GRIA1: variants seen among roughly 807,000 people sequenced by gnomAD.
GRIA1 encodes the protein glutamate ionotropic receptor AMPA type subunit 1, also known as glutamate receptor 1.
A neutral mutation model predicts 99.2 loss-of-function variants in GRIA1; 31 were observed. That is an observed-to-expected ratio of 0.31 (90% CI 0.23 to 0.42). The LOEUF is 0.42. GRIA1 is among the 10% of genes least tolerant of loss of function. The pLI, the probability that GRIA1 is intolerant of heterozygous loss-of-function variation, is 1.00. For synonymous variants in GRIA1, 438 were observed against 432.4 expected (o/e 1.01, Z -0.16); for missense variants, 782 against 1,157.5 (o/e 0.68, Z 4.71).
At position 153,646,974 on chromosome 5, in the gene GRIA1, T is replaced by C. The variant is rs138512995; in HGVS notation, c.267T>C (p.Tyr89=). ...GAGTCTATGCCATCTTTGGGTTTTA[T>C]GAACGTAGGACTGTCAACATGCTGA... is the stretch of plus-strand genomic sequence containing the variant. ...SKGVYAIFGF[Y]ERRTVNMLTS... The change falls in exon 3 of 16, where the codon TAT becomes TAC. Residue 89 remains tyrosine (Y), a synonymous_variant. Transcript: ENST00000285900. 1 of 1,613,854 alleles carries C rather than the reference T, an allele frequency of 6.2e-7. No homozygotes were observed. Among genetic ancestry groups the C allele is most frequent in the Non-Finnish European group, 8.5e-7 (1 of 1,179,876 alleles).
intron 2 of GRIA1, among the ~76,000 whole-genome samples, chr5:153,620,234 A>C (rs922987291): frequency 6.6e-6 from 1 of 152,200 alleles, no homozygotes; most frequent in African/African-American, 2.4e-5. Flanking sequence ...TGGAAAACAT[A>C]GAAGGAACTA....
intron 8 of GRIA1, among the ~76,000 whole-genome samples, chr5:153,694,068 T>C (rs143007865): frequency 4.6e-5 from 7 of 152,362 alleles, no homozygotes; most frequent in Non-Finnish European, 7.3e-5. Flanking sequence ...TTGTTTACAA[T>C]TTCTAACTAT....
chr5:153,688,855 G>A (rs923322852), intron 8 of GRIA1, among the ~76,000 whole-genome samples: 4 of 151,960 alleles, frequency 2.6e-5, no homozygotes, highest in Non-Finnish European at 5.9e-5. Flanking sequence ...GAGTGGTTGG[G>A]ATTATAGGTG....
chr5:153,646,783 G>C, intron 2 of GRIA1, 145 bp from the exon 3 acceptor site: 2 of 818,168 alleles, frequency 2.4e-6, no homozygotes, highest in Non-Finnish European at 3.9e-6. Flanking sequence ...TGGATGGATT[G>C]GTTTGTTGGA....
chr5:153,506,321 GTGTGTGT>G (rs1755495893), intron 2 of GRIA1, among the ~76,000 whole-genome samples: 1 of 48,548 alleles, frequency 2.1e-5, no homozygotes, highest in South Asian at 4.1e-4. Flanking sequence ...AGAAGGGTGT[GTGTGTGT>G]GTGTGTGTGT....
In GRIA1 at chr5:153,792,109, G is replaced by C. The variant is rs550940712; in HGVS notation, c.2271-2512G>C. ...ACAGCACTGTAGCATAAGAGATAAA[G>C]TCAAGTCCAGAGAATCTTCCAGAAA... On this transcript the variant is annotated intron_variant, in intron 13 of 15. Transcript: ENST00000285900. 1.1e-4 allele frequency among the ~76,000 whole-genome samples: 17 copies of C among 152,272 alleles called. No individual in the cohort carries two copies. The South Asian group carries it at 3.5e-3, about 32-fold the overall frequency.
chr5:153,737,290 TAAAAAAAAAAA>T (rs35443126), intron 11 of GRIA1, among the ~76,000 whole-genome samples: 138 of 74,058 alleles, frequency 1.9e-3, no homozygotes, highest in Non-Finnish European at 3.0e-3. Context: ...GCAACCCCGG[TAAAAAAAAAAA>T]AAAAAAAAAA....
At chr5:153,647,870 C>T (rs967885336) in intron 3 of GRIA1, among the ~76,000 whole-genome samples, 1 of 152,110 alleles carries the variant, frequency 6.6e-6, no homozygotes, top group African/African-American at 2.4e-5. Flanking sequence ...TTCCCTTCTC[C>T]AATTTACATC....
rs1220880152 is a variant in GRIA1, at chr5:153,759,488, T to C, written c.1824-4946T>C. Among the ~76,000 whole-genome samples the C allele has an allele frequency of 3.3e-5, 5 of 151,994 alleles. No homozygotes were observed. The East Asian group carries it at 9.7e-4, about 29-fold the overall frequency. ...AATAAGTTCTTAGACACATGCAACC[T>C]ATCAAAATTGAATTAAGAAGAAATA... On this transcript the variant is annotated intron_variant, in intron 11 of 15. Coordinates refer to ENST00000285900, the MANE Select transcript of GRIA1 (RefSeq NM_000827.4).
chr5:153,770,454 C>T, intron 13 of GRIA1, 39 bp downstream of exon 13: 1 of 1,584,074 alleles, frequency 6.3e-7, no homozygotes, highest in Non-Finnish European at 8.6e-7. Flanking sequence ...ACTCCCTCTC[C>T]CCTCCCTATC....
chr5:153,730,701 T>A (rs1057423297), intron 11 of GRIA1, among the ~76,000 whole-genome samples: 1 of 152,138 alleles, frequency 6.6e-6, no homozygotes, highest in African/African-American at 2.4e-5. Flanking sequence ...CTGGTGTCAT[T>A]GAGCAGCCTT....
At chr5:153,499,633 A>AAC (rs1554089998) in intron 2 of GRIA1, among the ~76,000 whole-genome samples, 2 of 146,338 alleles carry the variant, frequency 1.4e-5, no homozygotes, top group Admixed American at 7.0e-5. Context: ...AAAAAAAAAA[A>AAC]AAAAAAACTA....
intron 3 of GRIA1, among the ~76,000 whole-genome samples, chr5:153,648,436 C>T (rs1754313927): frequency 1.3e-5 from 2 of 152,168 alleles, no homozygotes; most frequent in Non-Finnish European, 1.5e-5. Context: ...AAGAGCTCCA[C>T]CTACCTCAGA....
intron 2 of GRIA1, among the ~76,000 whole-genome samples, chr5:153,549,336 T>C (rs992761964): frequency 6.6e-6 from 1 of 152,182 alleles, no homozygotes; most frequent in Non-Finnish European, 1.5e-5. Flanking sequence ...TGTGGATCCT[T>C]GAGACTTCTC....
At chr5:153,490,140 T>C (rs1175657764), upstream of GRIA1, 2 of 270,666 alleles carry the variant, frequency 7.4e-6, no homozygotes, top group African/African-American at 4.6e-5. Context: ...AGGAATTAGT[T>C]GTAGGAATAA....
intron 2 of GRIA1, among the ~76,000 whole-genome samples, chr5:153,569,924 G>C (rs1761967519): frequency 6.6e-6 from 1 of 152,150 alleles, no homozygotes; most frequent in Non-Finnish European, 1.5e-5. Flanking sequence ...TGTGTTATCA[G>C]AGCTGCAACC....
At chr5:153,784,321 G>A (rs1764832044) in intron 13 of GRIA1, among the ~76,000 whole-genome samples, 1 of 152,064 alleles carries the variant, frequency 6.6e-6, no homozygotes, top group South Asian at 2.1e-4. Context: ...AGAGATGAAT[G>A]AGGTACTCAA....
chr5:153,633,889 T>C (rs1469352350), intron 2 of GRIA1, among the ~76,000 whole-genome samples: 1 of 152,090 alleles, frequency 6.6e-6, no homozygotes, highest in Admixed American at 6.6e-5. Flanking sequence ...GCTAGGACAA[T>C]AGTGATAAGT....
intron 2 of GRIA1, among the ~76,000 whole-genome samples, chr5:153,536,821 T>C (rs1397213154): frequency 1.3e-5 from 2 of 152,198 alleles, no homozygotes; most frequent in African/African-American, 4.8e-5. Flanking sequence ...CTTTAATATT[T>C]CCGGTCAATT....
Sources: gnomAD v4.1 joint callset for allele counts (sites outside exome capture counted in the v4.1 genomes callset) on GRCh38, gnomAD v4.1.1 for gene constraint, MANE v1.5 for transcripts, NCBI Gene and HGNC (gene_info 2026-07-23, HGNC 2026-07-21) for gene names.